The following NPM3 variants were observed in gnomAD, a reference collection of about 807,000 sequenced individuals.
NPM3 encodes the protein nucleoplasmin-3.
NPM3 carries 12 observed loss-of-function variants against 18.1 expected under a neutral mutation model. The ratio of observed to expected loss-of-function variants is 0.66; its 90% CI spans 0.42 to 1.07. The LOEUF (loss-of-function observed/expected upper bound fraction) is 1.07. NPM3 is among the 50% of genes least tolerant of loss of function. NPM3 has a pLI of 0.00. For missense variants in NPM3, 274 were observed against 232.1 expected (o/e 1.18, Z -1.17); for synonymous variants, 116 against 93.7 (o/e 1.24, Z -1.38).
At chr10:101,781,603 G>T in exon 6 of NPM3, 1 of 913,280 alleles carries the variant, frequency 1.1e-6, no homozygotes, top group South Asian at 1.7e-5. Context: ...GGAACAGGGT[G>T]CATGGCGGTG....
intron 1 of NPM3, 28 bp from the exon 2 acceptor site, chr10:101,782,952 G>T: frequency 1.2e-6 from 2 of 1,607,732 alleles, no homozygotes; most frequent in South Asian, 1.1e-5. Flanking sequence ...GAGTATGCCT[G>T]AGCGTGTGTA....
At chr10:101,782,159 C>T (rs997707552) in intron 4 of NPM3, 99 bp downstream of exon 4, 7 of 1,111,582 alleles carry the variant, frequency 6.3e-6, no homozygotes, top group African/African-American at 4.6e-5. Flanking sequence ...CAGGGCTGCA[C>T]TGGGAGATGA....
In NPM3 at chr10:101,783,225, AC is replaced by A. The variant is rs2065157158; in HGVS notation, c.118+47del. 3 of 1,361,946 alleles carry A rather than the reference AC, an allele frequency of 2.2e-6. No homozygotes were observed. The East Asian group carries it at 7.0e-5, about 32-fold the overall frequency. 84.4% of individuals were successfully genotyped at this position (1,361,946 alleles called of 1,614,324 possible). ...CTCCGCATTCCCGCCTCACATCCCT[AC>A]CTCTTACCGCCCCAGTACCACCCTC... On this transcript the variant is annotated intron_variant, in intron 1 of 5. Transcript: ENST00000370110.
At chr10:101,781,588 G>C (rs1178046828) in exon 6 of NPM3, 1 of 431,554 alleles carries the variant, frequency 2.3e-6, no homozygotes, top group Non-Finnish European at 3.6e-6. Flanking sequence ...GTTGAAACTT[G>C]TCAGGGAACA....
chr10:101,781,529 C>T (rs1011851788), exon 6 of NPM3: 2 of 285,756 alleles, frequency 7.0e-6, no homozygotes, highest in Non-Finnish European at 1.4e-5. Context: ...GTCCCTCCCA[C>T]CCAACCCCCA....
At chr10:101,782,641 T>C (rs766744886) in intron 2 of NPM3, 44 bp from the exon 3 acceptor site, 9 of 1,611,306 alleles carry the variant, frequency 5.6e-6, no homozygotes, top group African/African-American at 5.3e-5. Context: ...CAAGTGAGGG[T>C]TGACACCACA....
intron 1 of NPM3, 114 bp downstream of exon 1, chr10:101,783,159 A>C (rs886162166): frequency 1.1e-6 from 1 of 904,050 alleles, no homozygotes. Context: ...TCCTGCGGGA[A>C]CAGCGAAGCA....
intron 2 of NPM3, 65 bp from the exon 3 acceptor site, chr10:101,782,662 T>C (rs1016556598): frequency 6.8e-6 from 11 of 1,608,356 alleles, no homozygotes; most frequent in Non-Finnish European, 9.3e-6. Context: ...ACTAAAGGCA[T>C]CTACCCTAGC....
At chr10:101,783,367 G>T (rs760222036) in exon 1 of NPM3, 1 of 1,611,870 alleles carries the variant, frequency 6.2e-7, no homozygotes, top group South Asian at 1.1e-5. Flanking sequence ...AAAACGCTAA[G>T]GCAGCTGCAG....
At chr10:101,782,862 C>T in exon 2 of NPM3, 2 of 1,614,202 alleles carry the variant, frequency 1.2e-6, no homozygotes. Flanking sequence ...AGCACGTGCT[C>T]CGCATCATCC....
intron 1 of NPM3, 39 bp downstream of exon 1, chr10:101,783,234 C>T: frequency 7.0e-7 from 1 of 1,428,534 alleles, no homozygotes; most frequent in Non-Finnish European, 9.7e-7. Context: ...TACCTCTTAC[C>T]GCCCCAGTAC....
At chr10:101,782,423 C>G in intron 3 of NPM3, 55 bp downstream of exon 3, 2 of 1,599,728 alleles carry the variant, frequency 1.3e-6, no homozygotes, top group Non-Finnish European at 8.5e-7. Flanking sequence ...TGCTAACGTC[C>G]TCAATCCCCT....
chr10:101,782,553 T>G (rs751369523), exon 3 of NPM3: 2 of 1,614,024 alleles, frequency 1.2e-6, no homozygotes, highest in Non-Finnish European at 1.7e-6. Context: ...GGGCCACAAC[T>G]TCTACCACAT....
intron 4 of NPM3, 112 bp from the exon 5 acceptor site, chr10:101,781,966 G>A (rs1030954914): frequency 6.4e-7 from 1 of 1,563,106 alleles, no homozygotes; most frequent in Admixed American, 1.8e-5. Context: ...TGACCTCCCA[G>A]TGCTTATGGG....
chr10:101,781,847 C>G, exon 5 of NPM3: 1 of 1,614,126 alleles, frequency 6.2e-7, no homozygotes, highest in East Asian at 2.2e-5. Flanking sequence ...CATCATTGCT[C>G]ATCGTAACTG....
chr10:101,783,221 C>G (rs549336193), intron 1 of NPM3, 52 bp downstream of exon 1: 21 of 1,338,460 alleles, frequency 1.6e-5, no homozygotes, highest in Non-Finnish European at 2.2e-5. Flanking sequence ...CGCCTCACAT[C>G]CCTACCTCTT....
chr10:101,783,378 T>G (rs777164284), exon 1 of NPM3: 74 of 1,608,186 alleles, frequency 4.6e-5, no homozygotes, highest in Admixed American at 1.0e-4. Flanking sequence ...GCAGCTGCAG[T>G]ACCGGCGGCC....
At chr10:101,783,199 C>G in intron 1 of NPM3, 74 bp downstream of exon 1, 1 of 1,172,696 alleles carries the variant, frequency 8.5e-7, no homozygotes, top group African/African-American at 1.5e-5. Flanking sequence ...GCCTTGAAAC[C>G]CTCCGCATTC....
At chr10:101,782,996 C>T (rs773018828) in intron 1 of NPM3, 72 bp from the exon 2 acceptor site, 14 of 1,399,282 alleles carry the variant, frequency 1.0e-5, no homozygotes, top group Middle Eastern at 1.8e-4. Flanking sequence ...CACCAACCCG[C>T]CGTCACGTGT....
Sources: allele counts gnomAD v4.1 joint callset, GRCh38; gene constraint gnomAD v4.1.1; transcripts MANE v1.5; gene names NCBI Gene and HGNC (gene_info 2026-07-23, HGNC 2026-07-21).